Variants in SLC16A12 observed in about 807,000 individuals in gnomAD.
SLC16A12 encodes the protein monocarboxylate transporter 12.
SLC16A12 carries 17 observed loss-of-function variants against 42.4 expected under a neutral mutation model. That is an observed-to-expected ratio of 0.40 (90% confidence interval 0.27 to 0.60). SLC16A12 has a LOEUF of 0.60. SLC16A12 is among the 20% of genes least tolerant of loss of function. The probability of loss-of-function intolerance (pLI) is 0.42; values close to 1 mark genes in which losing one functional copy is unlikely to be tolerated. For missense variants in SLC16A12, 544 were observed against 623.0 expected, an observed-to-expected ratio of 0.87 and a Z score of 1.35; for synonymous variants, 224 against 229.4, an observed-to-expected ratio of 0.98 and a Z score of 0.21.
chr10:89,481,987 T>A (rs570951001), intron 2 of SLC16A12, among the ~76,000 whole-genome samples: 160 of 152,184 alleles, frequency 1.1e-3, no homozygotes, highest in African/African-American at 3.4e-3. Context: ...CAAGTTAATA[T>A]TTTCAGGATA....
In SLC16A12 at chr10:89,432,425, T is replaced by C. The variant is rs1245358867; in HGVS notation, c.*639A>G. On this transcript the variant is annotated 3_prime_UTR_variant, in exon 8 of 8. Transcript: ENST00000371790. ...TCCATGATTATTTGGATTCTCATAG[T>C]GGTGTCTACCCTTGGGCAGAGGCAA... 6.6e-6 allele frequency: 1 copy of C among 152,266 alleles called. No individual in the cohort carries two copies. Among genetic ancestry groups the C allele is most frequent in the African/African-American group, 2.4e-5 (1 of 41,428 alleles). The allele number at this position is 152,266 out of a possible 1,614,324, so 9.4% of individuals were successfully genotyped here. A position where few individuals can be genotyped will look rare whatever the true frequency, so the allele number is the denominator to read the frequency against.
At chr10:89,496,890 T>C (rs1842928773) in intron 2 of SLC16A12, among the ~76,000 whole-genome samples, 1 of 152,116 alleles carries the variant, frequency 6.6e-6, no homozygotes, top group African/African-American at 2.4e-5. Context: ...CTATCAAGAA[T>C]GTAAAAGGAA....
At chr10:89,551,780 A>G (rs4934484) in intron 2 of SLC16A12, among the ~76,000 whole-genome samples, 152,112 of 152,330 alleles carry the variant, frequency 1, 75,948 homozygotes, top group Middle Eastern at 1. Flanking sequence ...GCCTTCTGCC[A>G]TGATTCTGAG....
chr10:89,507,493 G>T (rs969441153), intron 2 of SLC16A12, among the ~76,000 whole-genome samples: 2 of 152,162 alleles, frequency 1.3e-5, no homozygotes, highest in Non-Finnish European at 2.9e-5. Flanking sequence ...AAGTGAAGAA[G>T]AAATAAAATT....
intron 2 of SLC16A12, 127 bp from the exon 3 acceptor site, chr10:89,462,751 A>T: frequency 1.0e-6 from 1 of 1,002,018 alleles, no homozygotes; most frequent in Non-Finnish European, 1.4e-6. Flanking sequence ...TGAATACTAG[A>T]CTGGGGCAGA....
At chr10:89,510,998 A>C (rs1843153615) in intron 2 of SLC16A12, among the ~76,000 whole-genome samples, 1 of 152,252 alleles carries the variant, frequency 6.6e-6, no homozygotes, top group Non-Finnish European at 1.5e-5. Context: ...ATCACTGGTC[A>C]TTAGAGAAAT....
intron 2 of SLC16A12, among the ~76,000 whole-genome samples, chr10:89,469,536 T>G (rs1012612096): frequency 6.6e-6 from 1 of 152,212 alleles, no homozygotes; most frequent in African/African-American, 2.4e-5. Context: ...GGGAAGAGTA[T>G]TCCTAGAACC....
Position 89,490,924 on chromosome 10 carries a change from T to G in SLC16A12, c.-46-28300A>C, listed in dbSNP as rs182366560. Among the ~76,000 whole-genome samples the G allele has an allele frequency of 1.4e-3, 216 of 152,302 alleles. 1 individual carries two copies. Among genetic ancestry groups the G allele is most frequent in the African/African-American group, 5.1e-3 (210 of 41,562 alleles). On this transcript the variant is annotated intron_variant, in intron 2 of 7. Coordinates refer to ENST00000371790, the MANE Select transcript of SLC16A12 (RefSeq NM_213606.4). ...CTCAGGCTGGATGAAGTTAGCTTGT[T>G]ATGAATAACAAAAGACAATTCTCTC... is the stretch of plus-strand genomic sequence containing the variant.
intron 2 of SLC16A12, chr10:89,462,833 C>T: frequency 2.1e-6 from 1 of 487,192 alleles, no homozygotes; most frequent in Non-Finnish European, 3.5e-6. Context: ...TAGTCAAATG[C>T]ATGTCTACTC....
intron 2 of SLC16A12, among the ~76,000 whole-genome samples, chr10:89,552,009 C>T (rs1843773780): frequency 6.6e-6 from 1 of 152,182 alleles, no homozygotes; most frequent in South Asian, 2.1e-4. Flanking sequence ...GATCTCAGCT[C>T]ACTGCAACCT....
chr10:89,550,062 A>G (rs755356630), intron 2 of SLC16A12, among the ~76,000 whole-genome samples: 1 of 152,014 alleles, frequency 6.6e-6, no homozygotes, highest in African/African-American at 2.4e-5. Context: ...AGTCCTGTCA[A>G]TTGTCTCATC....
intron 2 of SLC16A12, among the ~76,000 whole-genome samples, chr10:89,522,027 AG>A (rs946316713): frequency 6.6e-6 from 1 of 152,144 alleles, no homozygotes; most frequent in Non-Finnish European, 1.5e-5. Context: ...CTCCAATGAG[AG>A]GCAGGGCCCA....
At chr10:89,516,099 C>T (rs1197272265) in intron 2 of SLC16A12, among the ~76,000 whole-genome samples, 1 of 152,186 alleles carries the variant, frequency 6.6e-6, no homozygotes, top group African/African-American at 2.4e-5. Flanking sequence ...CTCACAGGAA[C>T]ACACCGGTGT....
intron 2 of SLC16A12, among the ~76,000 whole-genome samples, chr10:89,471,994 C>T (rs1413722796): frequency 1.3e-5 from 2 of 152,006 alleles, no homozygotes; most frequent in African/African-American, 4.8e-5. Context: ...TATTGGGATA[C>T]AGGAATACTT....
chr10:89,542,779 C>T (rs953826089), intron 2 of SLC16A12, among the ~76,000 whole-genome samples: 3 of 152,184 alleles, frequency 2.0e-5, no homozygotes, highest in African/African-American at 7.2e-5. Context: ...CTACTGGAAA[C>T]TCTGGCCATT....
upstream of SLC16A12, among the ~76,000 whole-genome samples, chr10:89,537,108 A>G (rs912424716): frequency 2.0e-5 from 3 of 148,520 alleles, no homozygotes; most frequent in Non-Finnish European, 4.5e-5. Flanking sequence ...GATGAACAGT[A>G]GGGAGCATTT....
chr10:89,521,195 C>G (rs1202542760), intron 2 of SLC16A12, among the ~76,000 whole-genome samples: 1 of 152,188 alleles, frequency 6.6e-6, no homozygotes, highest in Non-Finnish European at 1.5e-5. Flanking sequence ...GACAATAATG[C>G]CTTGTCTCTG....
chr10:89,483,128 C>T lies in SLC16A12; in HGVS notation c.-46-20504G>A, dbSNP rs148411350. 6.6e-5 allele frequency among the ~76,000 whole-genome samples: 10 copies of T among 152,148 alleles called. 1 individual carries two copies. The East Asian group carries it at 1.7e-3, about 26-fold the overall frequency. The stretch of plus-strand genomic sequence containing the variant: ...CACCTTTTTTTTTGCAATGTGCTCA[C>T]GTGGCCTTTCTTGAGTGCATGTGCA... On this transcript the variant is annotated intron_variant, in intron 2 of 7. Coordinates refer to ENST00000371790, the MANE Select transcript of SLC16A12 (RefSeq NM_213606.4).
chr10:89,520,974 C>G (rs1161070902), intron 2 of SLC16A12, among the ~76,000 whole-genome samples: 1 of 152,090 alleles, frequency 6.6e-6, no homozygotes, highest in Non-Finnish European at 1.5e-5. Flanking sequence ...TTGTTATTGT[C>G]ATTATTTTTA....
Sources: allele counts gnomAD v4.1 joint callset (sites outside exome capture counted in the v4.1 genomes callset), GRCh38; gene constraint gnomAD v4.1.1; transcripts MANE v1.5; gene names NCBI Gene and HGNC (gene_info 2026-07-23, HGNC 2026-07-21).